Variants in IL1RAPL2 observed in about 807,000 individuals in gnomAD.
IL1RAPL2 encodes the protein interleukin 1 receptor accessory protein like 2, also known as X-linked interleukin-1 receptor accessory protein-like 2.
Under a neutral mutation model 44.1 loss-of-function variants are expected in IL1RAPL2, and 3 were observed. The observed-to-expected ratio is 0.07, with a 90% CI of 0.03 to 0.18. The LOEUF is 0.18. Ranked by LOEUF, IL1RAPL2 falls within the 10% of genes least tolerant of loss-of-function variation. The pLI is 1.00. For synonymous variants in IL1RAPL2, 181 were observed against 178.8 expected, an observed-to-expected ratio of 1.01 and a Z score of -0.10; for missense variants, 391 against 496.4, an observed-to-expected ratio of 0.79 and a Z score of 2.02.
In IL1RAPL2 at chrX:104,871,199, T is replaced by C. The variant is rs1410677209; in HGVS notation, c.82+212204T>C. Among the ~76,000 whole-genome samples, 4 of 112,102 alleles carry C rather than the reference T, an allele frequency of 3.6e-5. No individual in the cohort carries two copies. In the Admixed American group the frequency reaches 3.8e-4, roughly 11 times the overall value. Reference sequence around the variant, plus strand: ...TCATATAAATCTCACCAAATCGGACTAATTGGTCAAAAAGTCAGTTTGTTT... The same window carrying C: ...TCATATAAATCTCACCAAATCGGACCAATTGGTCAAAAAGTCAGTTTGTTT... On this transcript the variant is annotated intron_variant, in intron 2 of 10. Coordinates refer to ENST00000372582, the MANE Select transcript of IL1RAPL2 (RefSeq NM_017416.2).
intron 6 of IL1RAPL2, among the ~76,000 whole-genome samples, chrX:105,559,059 T>C (rs2036914978): frequency 8.9e-6 from 1 of 111,960 alleles, no homozygotes. Flanking sequence ...AGTCTTCTAA[T>C]TTTTATTCGT....
chrX:105,725,111 C>T (rs2147560396), intron 7 of IL1RAPL2, among the ~76,000 whole-genome samples: 1 of 111,494 alleles, frequency 9.0e-6, no homozygotes, highest in South Asian at 3.7e-4. Flanking sequence ...TACAGGGTTA[C>T]GCATTGCATC....
chrX:104,596,790 A>G (rs773068723), intron 1 of IL1RAPL2, among the ~76,000 whole-genome samples: 1 of 111,374 alleles, frequency 9.0e-6, no homozygotes, highest in Non-Finnish European at 1.9e-5. Flanking sequence ...TCCAGAATGG[A>G]GAGAGACATT....
intron 2 of IL1RAPL2, among the ~76,000 whole-genome samples, chrX:104,709,996 A>C (rs777349525): frequency 2.2e-4 from 25 of 111,360 alleles, no homozygotes; most frequent in Non-Finnish European, 4.2e-4. Flanking sequence ...AACAAACAGC[A>C]AAGTTGTGGG....
intron 2 of IL1RAPL2, among the ~76,000 whole-genome samples, chrX:104,821,758 C>T (rs865979781): frequency 2.7e-5 from 3 of 111,638 alleles, no homozygotes; most frequent in African/African-American, 9.8e-5. Context: ...GGTTATATAC[C>T]CAGTAATGGG....
chrX:104,622,240 T>C (rs758681901), intron 1 of IL1RAPL2, among the ~76,000 whole-genome samples: 12 of 110,561 alleles, frequency 1.1e-4, no homozygotes, highest in Non-Finnish European at 1.9e-4. Context: ...GGGTCTCTTA[T>C]GGCAGGTGTA....
At chrX:105,408,319 C>T (rs1487981937) in intron 5 of IL1RAPL2, among the ~76,000 whole-genome samples, 1 of 111,140 alleles carries the variant, frequency 9.0e-6, no homozygotes, top group Non-Finnish European at 1.9e-5. Flanking sequence ...AGGGCCTGTA[C>T]CTCCCTACCA....
chrX:105,173,180 G>T (rs1365920339), intron 2 of IL1RAPL2, among the ~76,000 whole-genome samples: 1 of 111,049 alleles, frequency 9.0e-6, no homozygotes, highest in African/African-American at 3.3e-5. Flanking sequence ...CACCTACATG[G>T]AAATATTATT....
At chrX:105,247,490 G>A (rs1239823133) in intron 4 of IL1RAPL2, among the ~76,000 whole-genome samples, 1 of 110,343 alleles carries the variant, frequency 9.1e-6, no homozygotes, top group Non-Finnish European at 1.9e-5. Flanking sequence ...GCCCAAAGAG[G>A]TTAAGTGACT....
At chrX:104,964,779 T>C in intron 2 of IL1RAPL2, among the ~76,000 whole-genome samples, 1 of 111,167 alleles carries the variant, frequency 9.0e-6, no homozygotes, top group Admixed American at 9.6e-5. Flanking sequence ...CTAGAAATAC[T>C]GGGAAACATA....
In IL1RAPL2 at chrX:104,566,913, G is replaced by A. The variant is rs1417117732; in HGVS notation, c.-158G>A. On this transcript the variant is annotated 5_prime_UTR_variant, in exon 1 of 11. Coordinates refer to ENST00000372582, the MANE Select transcript of IL1RAPL2 (RefSeq NM_017416.2). ...TGTTTGGGGAGACGCGGTCTTCCTCGCGCCCCCTTCAGCCACTCCGACTGC... is the reference window on the plus strand; with the variant it reads ...TGTTTGGGGAGACGCGGTCTTCCTCACGCCCCCTTCAGCCACTCCGACTGC... 1 of 112,653 alleles carries A rather than the reference G, an allele frequency of 8.9e-6. No homozygotes were observed. 9.3% of individuals were successfully genotyped at this position (112,653 alleles called of 1,213,427 possible).
chrX:104,907,948 G>T (rs1428044092), intron 2 of IL1RAPL2, among the ~76,000 whole-genome samples: 1 of 109,903 alleles, frequency 9.1e-6, no homozygotes, highest in African/African-American at 3.3e-5. Flanking sequence ...AAGTCTCTTT[G>T]TAGGTCACTC....
chrX:104,829,621 C>G (rs1051444703), intron 2 of IL1RAPL2, among the ~76,000 whole-genome samples: 4 of 112,500 alleles, frequency 3.6e-5, no homozygotes, highest in African/African-American at 1.3e-4. Flanking sequence ...TCTGATTCAA[C>G]CTTTGTCCAT....
rs1281158441 is a variant in IL1RAPL2 at position 105,484,367 on chromosome X, G to A, written c.752G>A (p.Ser251Asn). 1.7e-6 allele frequency: 2 copies of A among 1,201,099 alleles called. No individual in the cohort carries two copies. The change falls in exon 6 of 11, where the codon AGT becomes AAT. Residue 251 changes from serine (S) to asparagine (N), a missense_variant. By Grantham distance (46) the Ser-to-Asn change is conservative (BLOSUM62 1). Coordinates refer to ENST00000372582, the MANE Select transcript of IL1RAPL2 (RefSeq NM_017416.2). Reference sequence around the variant, plus strand: ...TTGTTCCCCATGGAGAATCAGCCAAGTGTTATAGATGTCCAGCTGGGTAAG... The same window carrying A: ...TTGTTCCCCATGGAGAATCAGCCAAATGTTATAGATGTCCAGCTGGGTAAG... Reference protein sequence around the residue: ...KPLFPMENQPSVIDVQLGKPL... With the variant: ...KPLFPMENQPNVIDVQLGKPL...
At chrX:104,833,432 T>C (rs1921662536) in intron 2 of IL1RAPL2, among the ~76,000 whole-genome samples, 1 of 112,423 alleles carries the variant, frequency 8.9e-6, no homozygotes, top group Non-Finnish European at 1.9e-5. Context: ...TAAATTATAA[T>C]CATTTTATGA....
At chrX:104,827,414 G>A (rs1432749684) in intron 2 of IL1RAPL2, among the ~76,000 whole-genome samples, 1 of 111,041 alleles carries the variant, frequency 9.0e-6, no homozygotes, top group Non-Finnish European at 1.9e-5. Context: ...GAAATTCGTG[G>A]TTGAAAATAC....
intron 6 of IL1RAPL2, among the ~76,000 whole-genome samples, chrX:105,565,760 T>C (rs1427598871): frequency 1.8e-5 from 2 of 112,175 alleles, no homozygotes; most frequent in East Asian, 5.6e-4. Flanking sequence ...TAATAGTTAA[T>C]TGAAGCACAG....
intron 2 of IL1RAPL2, among the ~76,000 whole-genome samples, chrX:105,059,180 G>T (rs970476208): frequency 9.0e-6 from 1 of 111,411 alleles, no homozygotes; most frequent in African/African-American, 3.3e-5. Flanking sequence ...AATTACTGTT[G>T]ACTAGTCATC....
At chrX:104,568,647 T>C (rs1259099536) in intron 1 of IL1RAPL2, among the ~76,000 whole-genome samples, 1 of 111,869 alleles carries the variant, frequency 8.9e-6, no homozygotes, top group East Asian at 2.8e-4. Flanking sequence ...CTCGGATACT[T>C]AGGCTTCCAC....
Sources: gnomAD v4.1 joint callset for allele counts (sites outside exome capture counted in the v4.1 genomes callset) on GRCh38, gnomAD v4.1.1 for gene constraint, MANE v1.5 for transcripts, NCBI Gene and HGNC (gene_info 2026-07-23, HGNC 2026-07-21) for gene names.